Variants in LIX1 observed in about 807,000 individuals in gnomAD.
The protein encoded by LIX1 is protein limb expression 1 homolog.
Under a neutral mutation model 33.4 loss-of-function variants are expected in LIX1, and 24 were observed. The observed-to-expected ratio is 0.72, with a 90% CI of 0.52 to 1.01. LIX1 has a LOEUF of 1.01. Ranked by LOEUF, LIX1 falls within the 50% of genes least tolerant of loss-of-function variation. The pLI is 0.00. For synonymous variants in LIX1, 124 were observed against 124.0 expected, an observed-to-expected ratio of 1.00 and a Z score of 0.00; for missense variants, 311 against 339.2, an observed-to-expected ratio of 0.92 and a Z score of 0.65.
At chr5:97,138,634 T>G (rs888490794) in intron 1 of LIX1, among the ~76,000 whole-genome samples, 3 of 152,220 alleles carry the variant, frequency 2.0e-5, no homozygotes, top group Non-Finnish European at 4.4e-5. Flanking sequence ...TTGCCCAGTT[T>G]GTCTTTGGAC....
chr5:97,103,698 G>A (rs1295278533), intron 4 of LIX1, among the ~76,000 whole-genome samples: 1 of 152,224 alleles, frequency 6.6e-6, no homozygotes, highest in African/African-American at 2.4e-5. Context: ...GGGCACGGTG[G>A]CTCACACCTG....
chr5:97,122,193 G>T (rs1371913172), intron 2 of LIX1, among the ~76,000 whole-genome samples: 1 of 152,204 alleles, frequency 6.6e-6, no homozygotes, highest in East Asian at 1.9e-4. Flanking sequence ...TCACTGGCTG[G>T]ATGGGTCAGA....
intron 4 of LIX1, among the ~76,000 whole-genome samples, chr5:97,098,994 C>G (rs1423577555): frequency 6.6e-6 from 1 of 152,174 alleles, no homozygotes; most frequent in African/African-American, 2.4e-5. Context: ...TGAGAGCCCA[C>G]AGACACCTCA....
In LIX1 at chr5:97,093,390, A is replaced by G. The variant is rs1293680863; in HGVS notation, c.*1358T>C. ...TAATTTGGACTACTGAATAAAATGC[A>G]GAATAATCATTTTCATGTTACAGAT... On this transcript the variant is annotated 3_prime_UTR_variant, in exon 6 of 6. Transcript: ENST00000274382. The G allele has an allele frequency of 6.6e-6, 1 of 152,360 alleles. No individual in the cohort carries two copies. The highest frequency in any genetic ancestry group is 1.5e-5 in the Non-Finnish European group (1 of 68,034). The allele number at this position is 152,360 out of a possible 1,614,324, so 9.4% of individuals were successfully genotyped here. A position where few individuals can be genotyped will look rare whatever the true frequency, so the allele number is the denominator to read the frequency against.
At chr5:97,128,491 A>G (rs192009421) in intron 1 of LIX1, among the ~76,000 whole-genome samples, 15 of 152,162 alleles carry the variant, frequency 9.9e-5, no homozygotes, top group African/African-American at 3.6e-4. Flanking sequence ...GAATGATAGA[A>G]CCCACCATAA....
intron 1 of LIX1, among the ~76,000 whole-genome samples, chr5:97,131,484 G>A (rs1456689661): frequency 6.6e-6 from 1 of 152,200 alleles, no homozygotes; most frequent in African/African-American, 2.4e-5. Flanking sequence ...TGGATGTGGT[G>A]CTCCTGGCTA....
intron 2 of LIX1, among the ~76,000 whole-genome samples, chr5:97,113,886 G>A (rs1747544300): frequency 2.0e-5 from 3 of 152,134 alleles, no homozygotes; most frequent in Admixed American, 2.0e-4. Context: ...ACAACAAAAG[G>A]CCAAGCAAGA....
intron 5 of LIX1, among the ~76,000 whole-genome samples, chr5:97,096,576 C>T (rs1282899964): frequency 2.0e-5 from 3 of 152,298 alleles, no homozygotes; most frequent in East Asian, 1.9e-4. Flanking sequence ...GGTTTGCATT[C>T]GGTACAGGTA....
At chr5:97,110,667 C>A (rs1376952554) in intron 2 of LIX1, among the ~76,000 whole-genome samples, 1 of 152,150 alleles carries the variant, frequency 6.6e-6, no homozygotes, top group Non-Finnish European at 1.5e-5. Flanking sequence ...TGGTCTCGAA[C>A]TCCCAACCTC....
chr5:97,104,333 A>G (rs576380499), intron 4 of LIX1, among the ~76,000 whole-genome samples: 1 of 152,308 alleles, frequency 6.6e-6, no homozygotes, highest in East Asian at 1.9e-4. Context: ...CCAGCATTGC[A>G]TGTTTATGGA....
chr5:97,127,031 T>C (rs1747944164), intron 1 of LIX1, among the ~76,000 whole-genome samples: 1 of 152,150 alleles, frequency 6.6e-6, no homozygotes, highest in Admixed American at 6.5e-5. Context: ...TCTCCTCCTT[T>C]CCCTCCCACC....
At chr5:97,124,366 AC>A in intron 2 of LIX1, 99 bp downstream of exon 2, 1 of 1,061,984 alleles carries the variant, frequency 9.4e-7, no homozygotes, top group Non-Finnish European at 1.3e-6. Flanking sequence ...AACTTTGTTC[AC>A]TATTTCCAAG....
chr5:97,129,247 C>G (rs961361021), intron 1 of LIX1, among the ~76,000 whole-genome samples: 3 of 152,056 alleles, frequency 2.0e-5, no homozygotes, highest in African/African-American at 7.2e-5. Flanking sequence ...TTCTCAAAAA[C>G]AAAAACAAAA....
intron 4 of LIX1, among the ~76,000 whole-genome samples, chr5:97,098,471 G>A (rs1376928273): frequency 6.6e-6 from 1 of 152,090 alleles, no homozygotes; most frequent in Non-Finnish European, 1.5e-5. Context: ...CATCTATTGT[G>A]GATTAATAGC....
rs930461805 is a variant in LIX1, at chr5:97,092,200, T to A, written c.*2548A>T. ...ATCTCTGGACTTTGGGGGGTCCACA[T>A]ACTCTGGAACTGTGTAATGTGAATA... On this transcript the variant is annotated 3_prime_UTR_variant, in exon 6 of 6. Coordinates refer to ENST00000274382, the MANE Select transcript of LIX1 (RefSeq NM_153234.5). 6.6e-6 allele frequency: 1 copy of A among 152,360 alleles called. No homozygotes were observed. The highest frequency in any genetic ancestry group is 1.5e-5 in the Non-Finnish European group (1 of 68,034). 9.4% of individuals were successfully genotyped at this position (152,360 alleles called of 1,614,324 possible).
At chr5:97,141,563 T>A (rs535083762) in intron 1 of LIX1, among the ~76,000 whole-genome samples, 1 of 152,314 alleles carries the variant, frequency 6.6e-6, no homozygotes, top group East Asian at 1.9e-4. Context: ...GGAACGTTAT[T>A]CAGCAATCAG....
intron 1 of LIX1, among the ~76,000 whole-genome samples, chr5:97,132,864 G>A (rs891076894): frequency 6.6e-6 from 1 of 152,176 alleles, no homozygotes; most frequent in East Asian, 1.9e-4. Context: ...CTAGAAGTGG[G>A]TAGGAGATGA....
Position 97,094,668 on chromosome 5 carries a change from C to G in LIX1, c.*80G>C. Reference sequence around the variant, plus strand: ...TCAGGTAGTACTAGAGATGCTGGAGCCTCTGAGGACCTCTGCACTGAGATT... The same window carrying G: ...TCAGGTAGTACTAGAGATGCTGGAGGCTCTGAGGACCTCTGCACTGAGATT... On this transcript the variant is annotated 3_prime_UTR_variant, in exon 6 of 6. Transcript: ENST00000274382. 1 of 1,333,330 alleles carries G rather than the reference C, an allele frequency of 7.5e-7. No homozygotes were observed. Among genetic ancestry groups the G allele is most frequent in the Non-Finnish European group, 1.0e-6 (1 of 954,932 alleles). The allele number at this position is 1,333,330 out of a possible 1,614,324, so 82.6% of individuals were successfully genotyped here. A position where few individuals can be genotyped will look rare whatever the true frequency, so the allele number is the denominator to read the frequency against.
Position 97,142,554 on chromosome 5 carries a change from A to G in LIX1, c.23T>C (p.Leu8Pro), listed in dbSNP as rs1317423582. 1 of 1,614,066 alleles carries G rather than the reference A, an allele frequency of 6.2e-7. No individual in the cohort carries two copies. The highest frequency in any genetic ancestry group is 1.1e-5 in the South Asian group (1 of 91,074). Residue 8 changes from leucine to proline, a missense_variant, in exon 1 of 6, where the codon CTG becomes CCG. Physicochemically the swap from Leu to Pro is moderately conservative, Grantham distance 98 (BLOSUM62 -3). Coordinates refer to ENST00000274382, the MANE Select transcript of LIX1 (RefSeq NM_153234.5). Reference protein sequence around the residue: MDRTLESLRHIIAQVLPH... With the variant: MDRTLESPRHIIAQVLPH... ...CAAGACTTGGGCAATGATGTGTCTCAGAGATTCCAAGGTTCTGTCCATCTT... is the reference window on the plus strand; with the variant it reads ...CAAGACTTGGGCAATGATGTGTCTCGGAGATTCCAAGGTTCTGTCCATCTT...
Sources: allele counts gnomAD v4.1 joint callset (sites outside exome capture counted in the v4.1 genomes callset), GRCh38; gene constraint gnomAD v4.1.1; transcripts MANE v1.5; gene names NCBI Gene and HGNC (gene_info 2026-07-23, HGNC 2026-07-21).